The following ZNF131 variants were observed in gnomAD, a reference collection of about 807,000 sequenced individuals.
ZNF131 encodes the protein zinc finger and BTB domain containing 35, also known as zinc finger protein 131.
In ZNF131, 7 loss-of-function variants were observed where a neutral mutation model predicts 60.0. That is an observed-to-expected ratio of 0.12 (90% CI 0.07 to 0.22). The LOEUF (loss-of-function observed/expected upper bound fraction) is 0.22, where lower values mean the gene tolerates loss of function less well. ZNF131 is among the 10% of genes least tolerant of loss of function. The pLI is 1.00. For missense variants in ZNF131, 493 were observed against 740.9 expected (o/e 0.67, Z 3.88); for synonymous variants, 257 against 253.2 (o/e 1.01, Z -0.14).
In ZNF131 at chr5:43,120,915, G is replaced by C. The variant is rs1477086675; in HGVS notation, c.-224G>C. The C allele has an allele frequency of 3.3e-5, 5 of 152,194 alleles. No homozygotes were observed. Among genetic ancestry groups the C allele is most frequent in the Non-Finnish European group, 5.9e-5 (4 of 68,030 alleles). The allele number at this position is 152,194 out of a possible 1,614,324, so 9.4% of individuals were successfully genotyped here. ...CTCGCGCCCGTAGCTGCCGCTGCCG[G>C]GGCCGCGGCCGCCCGGGTGCCCAAC... On this transcript the variant is annotated 5_prime_UTR_variant, in exon 1 of 7. Coordinates refer to ENST00000682664, the MANE Select transcript of ZNF131 (RefSeq NM_001330707.2).
chr5:43,174,990 A>G lies in ZNF131; in HGVS notation c.1729A>G (p.Arg577Gly), dbSNP rs1579934170. The change falls in exon 7 of 7, where the codon AGA becomes GGA. Residue 577 changes from arginine (R) to glycine (G), a missense_variant. By Grantham distance (125) the Arg-to-Gly change is moderately radical (BLOSUM62 -2). Coordinates refer to ENST00000682664, the MANE Select transcript of ZNF131 (RefSeq NM_001330707.2). ...VTPEIMNQEE[R>G]ESSQADAAEA... ...CCCAGAAATCATGAACCAAGAGGAG[A>G]GAGAGTCTAGCCAAGCAGATGCTGC... 6.2e-7 allele frequency: 1 copy of G among 1,614,006 alleles called. No homozygotes were observed. Among genetic ancestry groups the G allele is most frequent in the Non-Finnish European group, 8.5e-7 (1 of 1,180,026 alleles).
chr5:43,158,336 C>T (rs969760131), intron 4 of ZNF131, among the ~76,000 whole-genome samples: 1 of 152,156 alleles, frequency 6.6e-6, no homozygotes, highest in African/African-American at 2.4e-5. Context: ...GTTGCCCAGG[C>T]TGGAGTGCAA....
At chr5:43,140,360 T>C (rs1204037375) in intron 4 of ZNF131, among the ~76,000 whole-genome samples, 3 of 152,242 alleles carry the variant, frequency 2.0e-5, no homozygotes, top group Non-Finnish European at 2.9e-5. Flanking sequence ...ACATCCTGCT[T>C]CTACCACTGT....
chr5:43,167,050 G>T (rs576519857), intron 5 of ZNF131, among the ~76,000 whole-genome samples: 45 of 152,320 alleles, frequency 3.0e-4, no homozygotes, highest in Non-Finnish European at 5.0e-4. Context: ...GGAATAGAGA[G>T]ACTAGAGGAG....
intron 3 of ZNF131, among the ~76,000 whole-genome samples, chr5:43,131,848 G>C (rs1206493390): frequency 6.6e-6 from 1 of 151,772 alleles, no homozygotes; most frequent in Non-Finnish European, 1.5e-5. Flanking sequence ...TTATGAGTAA[G>C]AGATTGTGAA....
chr5:43,145,072 A>T (rs1390346591), intron 4 of ZNF131, among the ~76,000 whole-genome samples: 1 of 151,992 alleles, frequency 6.6e-6, no homozygotes, highest in African/African-American at 2.4e-5. Context: ...GGCAGGGATT[A>T]TGTGTTTTTT....
chr5:43,142,589 C>T (rs1042630404), intron 4 of ZNF131, among the ~76,000 whole-genome samples: 2 of 151,954 alleles, frequency 1.3e-5, no homozygotes, highest in East Asian at 3.9e-4. Context: ...TAGGCGTGAG[C>T]CATGGCACCC....
At chr5:43,127,108 T>C (rs1375564115) in intron 3 of ZNF131, among the ~76,000 whole-genome samples, 7 of 152,134 alleles carry the variant, frequency 4.6e-5, no homozygotes, top group Non-Finnish European at 5.9e-5. Context: ...ATGTATTCTT[T>C]CCAGGATTTT....
At chr5:43,144,692 G>A (rs972652281) in intron 4 of ZNF131, among the ~76,000 whole-genome samples, 1 of 152,034 alleles carries the variant, frequency 6.6e-6, no homozygotes, top group Non-Finnish European at 1.5e-5. Context: ...TGTGTTTAAG[G>A]CTATTTGAAA....
chr5:43,155,880 T>C (rs1041001443), intron 4 of ZNF131, among the ~76,000 whole-genome samples: 2 of 152,174 alleles, frequency 1.3e-5, no homozygotes, highest in African/African-American at 4.8e-5. Flanking sequence ...GGAGGTGTGA[T>C]AACATTGCAG....
At chr5:43,171,978 C>G (rs867802276) in intron 5 of ZNF131, among the ~76,000 whole-genome samples, 2 of 152,320 alleles carry the variant, frequency 1.3e-5, no homozygotes, top group Middle Eastern at 3.4e-3. Flanking sequence ...CTGTTCCCGT[C>G]AAGCAATCCT....
chr5:43,135,491 G>A (rs1745962284), intron 3 of ZNF131, among the ~76,000 whole-genome samples: 3 of 150,180 alleles, frequency 2.0e-5, no homozygotes, highest in African/African-American at 4.9e-5. Context: ...GCTCACGCCT[G>A]TAATCCCAGC....
In ZNF131 at chr5:43,129,890, T is replaced by A. The variant is rs184322729; in HGVS notation, c.226+6580T>A. ...TCAAGCTGGCCTCAAACTCCTGACC[T>A]CGTGATCTGCCTGCCTCGGCCTCCC... On this transcript the variant is annotated intron_variant, in intron 3 of 6. Transcript: ENST00000682664. 3.2e-4 allele frequency among the ~76,000 whole-genome samples: 49 copies of A among 151,670 alleles called. 1 individual carries two copies. The highest frequency in any genetic ancestry group is 1.1e-3 in the African/African-American group (47 of 41,444).
chr5:43,168,792 G>A (rs374048613), intron 5 of ZNF131, among the ~76,000 whole-genome samples: 1 of 152,132 alleles, frequency 6.6e-6, no homozygotes, highest in Non-Finnish European at 1.5e-5. Context: ...CAGTGTTAGC[G>A]GAAAAGAGAG....
chr5:43,130,444 G>T (rs1745194597), intron 3 of ZNF131, among the ~76,000 whole-genome samples: 1 of 152,012 alleles, frequency 6.6e-6, no homozygotes, highest in Admixed American at 6.6e-5. Flanking sequence ...TTTTTTCTTT[G>T]ATAACTTTCT....
At chr5:43,146,682 A>T (rs1295789655) in intron 4 of ZNF131, among the ~76,000 whole-genome samples, 1 of 151,900 alleles carries the variant, frequency 6.6e-6, no homozygotes, top group African/African-American at 2.4e-5. Context: ...CGAGGCAGGC[A>T]ATCACCTGAG....
chr5:43,155,107 A>G (rs536478971), intron 4 of ZNF131, among the ~76,000 whole-genome samples: 27 of 152,196 alleles, frequency 1.8e-4, no homozygotes, highest in Non-Finnish European at 3.4e-4. Flanking sequence ...TAGCCAAGCC[A>G]TCAGTTAATT....
intron 4 of ZNF131, among the ~76,000 whole-genome samples, chr5:43,146,751 C>A (rs972056216): frequency 9.9e-5 from 15 of 151,978 alleles, no homozygotes; most frequent in Non-Finnish European, 4.4e-5. Flanking sequence ...ACTGAAAATA[C>A]AAAAATTAGC....
At chr5:43,164,596 A>C (rs987090834) in intron 5 of ZNF131, among the ~76,000 whole-genome samples, 9 of 152,206 alleles carry the variant, frequency 5.9e-5, no homozygotes, top group African/African-American at 1.9e-4. Context: ...AAGTAGCCGC[A>C]GTTACCTCTT....
Sources: gnomAD v4.1 joint callset for allele counts (sites outside exome capture counted in the v4.1 genomes callset) on GRCh38, gnomAD v4.1.1 for gene constraint, MANE v1.5 for transcripts, NCBI Gene and HGNC (gene_info 2026-07-23, HGNC 2026-07-21) for gene names.